Variants in DROSHA observed in about 807,000 individuals in gnomAD.
DROSHA encodes the protein ribonuclease 3.
DROSHA carries 56 observed loss-of-function variants against 181.9 expected under a neutral mutation model. That is an observed-to-expected ratio of 0.31 (90% CI 0.25 to 0.38). DROSHA has a LOEUF of 0.38. Among genes scored for constraint, DROSHA ranks in the 10% least tolerant of loss-of-function variants. The pLI, the probability that DROSHA is intolerant of heterozygous loss-of-function variation, is 1.00. For missense variants in DROSHA, 1,218 were observed against 1,743.5 expected (o/e 0.70, Z 5.37); for synonymous variants, 524 against 591.2 (o/e 0.89, Z 1.65).
At chr5:31,454,457 G>C (rs1747399791) in intron 20 of DROSHA, among the ~76,000 whole-genome samples, 1 of 152,152 alleles carries the variant, frequency 6.6e-6, no homozygotes, top group Admixed American at 6.5e-5. Context: ...AAAAATAACA[G>C]GAGGAGGAGC....
intron 5 of DROSHA, among the ~76,000 whole-genome samples, chr5:31,521,739 A>C (rs189141461): frequency 4.1e-4 from 63 of 152,314 alleles, no homozygotes; most frequent in African/African-American, 1.3e-3. Context: ...TGACTAAGTC[A>C]CTTGAATGCT....
At chr5:31,507,811 C>A (rs1264026998) in intron 10 of DROSHA, among the ~76,000 whole-genome samples, 1 of 151,846 alleles carries the variant, frequency 6.6e-6, no homozygotes, top group Non-Finnish European at 1.5e-5. Flanking sequence ...AAAAGAAAAC[C>A]AAGTTTTAAA....
intron 17 of DROSHA, among the ~76,000 whole-genome samples, chr5:31,468,529 A>G (rs750462939): frequency 2.0e-5 from 3 of 152,156 alleles, no homozygotes; most frequent in Non-Finnish European, 2.9e-5. Context: ...TTTAAGTTAG[A>G]AAGTATAGTG....
Position 31,490,195 on chromosome 5 carries a change from T to TG in DROSHA, c.1842+3011_1842+3012insC, listed in dbSNP as rs541267925. Among the ~76,000 whole-genome samples the TG allele has an allele frequency of 7.1e-3, 1,075 of 151,098 alleles. 8 individuals carry two copies. Among genetic ancestry groups the TG allele is most frequent in the African/African-American group, 0.024 (992 of 41,024 alleles). ...CTGGCCCTTTTCCTTTTTTTTTTTT[T>TG]TTTTAAGAGACAGGGTCTAGCTCTG... On this transcript the variant is annotated intron_variant, in intron 13 of 35. Coordinates refer to ENST00000344624, the MANE Select transcript of DROSHA (RefSeq NM_001382508.1).
intron 12 of DROSHA, among the ~76,000 whole-genome samples, chr5:31,493,897 T>G (rs557780823): frequency 6.6e-6 from 1 of 151,772 alleles, no homozygotes; most frequent in African/African-American, 2.4e-5. Flanking sequence ...AATCTAAGCA[T>G]GAAGCCCTCT....
At chr5:31,525,681 C>T (rs6878195) in intron 5 of DROSHA, among the ~76,000 whole-genome samples, 74,663 of 151,858 alleles carry the variant, frequency 0.49, 18,361 homozygotes, top group South Asian at 0.52. Flanking sequence ...TTTATTAACA[C>T]GCAGATCGCC....
At chr5:31,477,444 G>A (rs1044353461) in intron 16 of DROSHA, among the ~76,000 whole-genome samples, 2 of 152,028 alleles carry the variant, frequency 1.3e-5, no homozygotes, top group Non-Finnish European at 2.9e-5. Context: ...TCTAAAATAC[G>A]TATTAACAAG....
chr5:31,466,799 G>C (rs1432811248), intron 18 of DROSHA, among the ~76,000 whole-genome samples: 1 of 152,114 alleles, frequency 6.6e-6, no homozygotes, highest in African/African-American at 2.4e-5. Flanking sequence ...CCACTGGAGA[G>C]GATAAAAGAC....
At position 31,409,292 on chromosome 5, in the gene DROSHA, A is replaced by G. The variant is rs923348676; in HGVS notation, c.3708T>C (p.Tyr1236=). The G allele has an allele frequency of 1.3e-6, 2 of 1,590,874 alleles. No homozygotes were observed. The highest frequency in any genetic ancestry group is 1.3e-5 in the African/African-American group (1 of 74,588). The change falls in exon 32 of 36, where the codon TAT becomes TAC. Residue 1236 remains tyrosine, a synonymous_variant. Transcript: ENST00000344624. The surrounding 1 kb of genome is among the most constrained non-coding windows in gnomAD (Gnocchi z 4.0). ...AGCAGACATTCATGAAAGTATGAAC[A>G]TATTCCAAATCCTTATCAATGTACA... ...AALYIDKDLE[Y]VHTFMNVCFF...
chr5:31,474,210 TA>T (rs1750098096), intron 16 of DROSHA, among the ~76,000 whole-genome samples: 1 of 152,222 alleles, frequency 6.6e-6, no homozygotes, highest in South Asian at 2.1e-4. Context: ...CACATTAAGA[TA>T]TGTTATATCT....
intron 33 of DROSHA, 184 bp downstream of exon 33, chr5:31,408,872 C>T: frequency 3.6e-6 from 2 of 561,178 alleles, no homozygotes; most frequent in Non-Finnish European, 6.3e-6. Flanking sequence ...CCACTTATTA[C>T]AGCTAAGAGT....
chr5:31,481,017 A>G (rs1314372763), intron 16 of DROSHA, among the ~76,000 whole-genome samples: 3 of 152,164 alleles, frequency 2.0e-5, no homozygotes, highest in South Asian at 4.1e-4. Flanking sequence ...TAAAAAATAG[A>G]TGCAAATCAT....
At chr5:31,431,463 A>G in intron 26 of DROSHA, 113 bp downstream of exon 26, 1 of 1,011,540 alleles carries the variant, frequency 9.9e-7, no homozygotes, top group Non-Finnish European at 1.5e-6. Context: ...TAGGAACCTC[A>G]TGTGCTTTGG....
chr5:31,463,441 A>G (rs3792828), intron 20 of DROSHA, among the ~76,000 whole-genome samples: 90,869 of 151,984 alleles, frequency 0.6, 28,013 homozygotes, highest in South Asian at 0.69. Flanking sequence ...AACTTACTGC[A>G]ACACATGCTA....
chr5:31,515,579 T>C lies in DROSHA; in HGVS notation c.948-15A>G, dbSNP rs781197453. 4.0e-5 allele frequency: 62 copies of C among 1,551,198 alleles called. No homozygotes were observed. Among genetic ancestry groups the C allele is most frequent in the South Asian group, 1.7e-4 (14 of 84,012 alleles). On this transcript the variant is annotated splice_polypyrimidine_tract_variant and intron_variant, in intron 6 of 35. Transcript: ENST00000344624. ...AACCGTAACTCCTAAAAGAAAAAGA[T>C]ATTTGCAAAATGTTTGGAAATGTCC...
chr5:31,521,327 G>C lies in DROSHA; in HGVS notation c.855-112C>G, dbSNP rs1202210060. On this transcript the variant is annotated intron_variant, in intron 5 of 35. Coordinates refer to ENST00000344624, the MANE Select transcript of DROSHA (RefSeq NM_001382508.1). ...TGGACCACATCTAGGAATTTTTCAG[G>C]CACTGTTCACTGGGGGACATTTTTA... 3 of 1,168,408 alleles carry C rather than the reference G, an allele frequency of 2.6e-6. No individual in the cohort carries two copies. In the East Asian group the frequency reaches 7.2e-5, roughly 28 times the overall value. The allele number at this position is 1,168,408 out of a possible 1,614,324, so 72.4% of individuals were successfully genotyped here. A position where few individuals can be genotyped will look rare whatever the true frequency, so the allele number is the denominator to read the frequency against.
At chr5:31,523,948 C>A (rs1403196828) in intron 5 of DROSHA, among the ~76,000 whole-genome samples, 1 of 144,652 alleles carries the variant, frequency 6.9e-6, no homozygotes, top group Non-Finnish European at 1.5e-5. Context: ...ACACTCCAGC[C>A]TGGGGAACAA....
intron 25 of DROSHA, among the ~76,000 whole-genome samples, chr5:31,434,548 G>C (rs1005625141): frequency 6.6e-6 from 1 of 152,148 alleles, no homozygotes; most frequent in Admixed American, 6.5e-5. Context: ...TACCACTGTA[G>C]CTACAATGAT....
At chr5:31,460,029 C>T (rs1748227556) in intron 20 of DROSHA, among the ~76,000 whole-genome samples, 1 of 152,140 alleles carries the variant, frequency 6.6e-6, no homozygotes, top group African/African-American at 2.4e-5. Flanking sequence ...CCATGGACCA[C>T]CTTCTCAGTA....
Sources: allele counts gnomAD v4.1 joint callset (sites outside exome capture counted in the v4.1 genomes callset), GRCh38; gene constraint gnomAD v4.1.1; non-coding constraint Gnocchi (gnomAD v3.1); transcripts MANE v1.5; gene names NCBI Gene and HGNC (gene_info 2026-07-23, HGNC 2026-07-21).